The following HSDL1 variants were observed in gnomAD, a reference collection of about 807,000 sequenced individuals.
HSDL1 encodes the protein inactive hydroxysteroid dehydrogenase-like protein 1.
In HSDL1, 29 loss-of-function variants were observed where a neutral mutation model predicts 31.5. That is an observed-to-expected ratio of 0.92 (90% CI 0.69 to 1.26). The LOEUF (loss-of-function observed/expected upper bound fraction) is 1.26. HSDL1 is among the 50% of genes most tolerant of loss of function. The pLI is 0.00. For synonymous variants in HSDL1, 222 were observed against 155.2 expected, an observed-to-expected ratio of 1.43 and a Z score of -3.20; for missense variants, 503 against 416.6, an observed-to-expected ratio of 1.21 and a Z score of -1.81.
In HSDL1 at chr16:84,129,710, C is replaced by T. The variant is rs745492221; in HGVS notation, c.732G>A (p.Gln244=). The stretch of plus-strand genomic sequence containing the variant: ...TGGCTACATAGAAAGGGATTAGACT[C>T]TGTACAAAGATTCCTTTAGAGGCAT... ...YEYASKGIFV[Q]SLIPFYVATS... The change falls in exon 5 of 6, where the codon CAG becomes CAA. Residue 244 remains glutamine, a synonymous_variant. Coordinates refer to ENST00000219439, the MANE Select transcript of HSDL1 (RefSeq NM_031463.5). The T allele has an allele frequency of 1.7e-5, 27 of 1,614,042 alleles. No homozygotes were observed. Among genetic ancestry groups the T allele is most frequent in the Non-Finnish European group, 2.0e-5 (24 of 1,180,024 alleles).
At chr16:84,135,928 C>T (rs904101724) in intron 1 of HSDL1, among the ~76,000 whole-genome samples, 4 of 152,346 alleles carry the variant, frequency 2.6e-5, no homozygotes, top group African/African-American at 9.6e-5. Context: ...TCCCAGGAGC[C>T]CTTGGGGAAA....
intron 1 of HSDL1, among the ~76,000 whole-genome samples, chr16:84,140,853 C>G (rs1001860060): frequency 6.6e-6 from 1 of 152,206 alleles, no homozygotes. Flanking sequence ...CCTGTAATCC[C>G]AGCACTTTGG....
At chr16:84,128,711 C>CT (rs757856268) in intron 5 of HSDL1, among the ~76,000 whole-genome samples, 5,361 of 142,910 alleles carry the variant, frequency 0.038, 254 homozygotes, top group African/African-American at 0.12. Context: ...CAGCATATTT[C>CT]TTTTTTTTTT....
rs758669225 is a variant in HSDL1 at position 84,124,393 on chromosome 16, A to T, written c.*237T>A. 2 of 372,430 alleles carry T rather than the reference A, an allele frequency of 5.4e-6. No individual in the cohort carries two copies. Among genetic ancestry groups the T allele is most frequent in the Non-Finnish European group, 1.0e-5 (2 of 199,742 alleles). 23.1% of individuals were successfully genotyped at this position (372,430 alleles called of 1,614,324 possible). Reference sequence around the variant, plus strand: ...CTTTCAAACAGCTTAGGGAAAAAGCACTGAAATGTAGATGTCGTCAATCAG... The same window carrying T: ...CTTTCAAACAGCTTAGGGAAAAAGCTCTGAAATGTAGATGTCGTCAATCAG... On this transcript the variant is annotated 3_prime_UTR_variant, in exon 6 of 6. Coordinates refer to ENST00000219439, the MANE Select transcript of HSDL1 (RefSeq NM_031463.5).
chr16:84,145,122 G>T lies in HSDL1; in HGVS notation c.-111C>A, dbSNP rs544972747. ...CTTCCAAACCGGTCCCGCCAGACCC[G>T]CGCGGCCGCCGCCCCCGTCTCGGCC... On this transcript the variant is annotated 5_prime_UTR_variant, in exon 1 of 6. Transcript: ENST00000219439. 1.3e-4 allele frequency: 23 copies of T among 181,144 alleles called. No homozygotes were observed. Among genetic ancestry groups the T allele is most frequent in the Middle Eastern group, 2.2e-3 (1 of 452 alleles). 11.2% of individuals were successfully genotyped at this position (181,144 alleles called of 1,614,324 possible).
intron 1 of HSDL1, among the ~76,000 whole-genome samples, chr16:84,143,923 G>T (rs1159281068): frequency 6.6e-6 from 1 of 152,010 alleles, no homozygotes; most frequent in Non-Finnish European, 1.5e-5. Flanking sequence ...GAATCACTTG[G>T]GCCCGGGGTG....
Position 84,122,767 on chromosome 16 carries a change from C to T in HSDL1, c.*1863G>A, listed in dbSNP as rs1385291949. On this transcript the variant is annotated 3_prime_UTR_variant, in exon 6 of 6. Transcript: ENST00000219439. ...GCTAGAAAACCTAGAGAAGGTCTTG[C>T]TCTTCATCTTTCACTGCAGCTATGG... 1 of 152,190 alleles carries T rather than the reference C, an allele frequency of 6.6e-6. No homozygotes were observed. The highest frequency in any genetic ancestry group is 2.4e-5 in the African/African-American group (1 of 41,440). The allele number at this position is 152,190 out of a possible 1,614,324, so 9.4% of individuals were successfully genotyped here. A position where few individuals can be genotyped will look rare whatever the true frequency, so the allele number is the denominator to read the frequency against.
chr16:84,127,869 C>A (rs2086624599), intron 5 of HSDL1, among the ~76,000 whole-genome samples: 1 of 151,348 alleles, frequency 6.6e-6, no homozygotes, highest in Non-Finnish European at 1.5e-5. Context: ...CAGGCGCCCA[C>A]CACCACGCCT....
At chr16:84,138,451 G>A (rs2086733472) in intron 1 of HSDL1, among the ~76,000 whole-genome samples, 1 of 152,168 alleles carries the variant, frequency 6.6e-6, no homozygotes, top group Non-Finnish European at 1.5e-5. Context: ...TCTGCTTAGA[G>A]GGTAGATCTC....
chr16:84,131,483 G>GTCTGTCTATCTATCTA (rs1232519658), intron 2 of HSDL1, among the ~76,000 whole-genome samples, 156 bp from the exon 3 acceptor site: 166 of 144,238 alleles, frequency 1.2e-3, no homozygotes, highest in African/African-American at 4.3e-3. Flanking sequence ...CACAGTTTCA[G>GTCTGTCTATCTATCTA]TCTATCTATC....
In HSDL1 at chr16:84,129,659, A is replaced by T. The variant is rs2151186237; in HGVS notation, c.783T>A (p.Phe261Leu). 6.2e-7 allele frequency: 1 copy of T among 1,614,230 alleles called. No homozygotes were observed. The highest frequency in any genetic ancestry group is 1.3e-5 in the African/African-American group (1 of 75,050). The change falls in exon 5 of 6, where the codon TTT becomes TTA. Residue 261 changes from phenylalanine to leucine, a missense_variant. By Grantham distance (22) the Phe-to-Leu change is conservative. Transcript: ENST00000219439. The part of the protein sequence containing the change: ...VATSMTAPSN[F>L]LHRCSWLVPS... ...GCACCAACCACGAGCACCTGTGCAG[A>T]AAGTTGCTGGGTGCTGTCATGCTGG...
chr16:84,129,741 T>C lies in HSDL1; in HGVS notation c.701A>G (p.Tyr234Cys), dbSNP rs1400038901. 1.9e-5 allele frequency: 31 copies of C among 1,614,028 alleles called. No individual in the cohort carries two copies. The highest frequency in any genetic ancestry group is 2.5e-5 in the Non-Finnish European group (29 of 1,179,982). ...AAAGATTCCTTTAGAGGCATATTCA[T>C]ATTGCAAGGCTCTGCTGAAGTGGTC... ...YLDHFSRALQ[Y>C]EYASKGIFVQ... is the part of the protein sequence containing the mutation. Residue 234 changes from tyrosine to cysteine, a missense_variant, in exon 5 of 6, where the codon TAT becomes TGT. Physicochemically the swap from Tyr to Cys is radical, Grantham distance 194. Transcript: ENST00000219439.
At position 84,125,044 on chromosome 16, in the gene HSDL1, A is replaced by G. The variant is rs183740894; in HGVS notation, c.895-316T>C. 4.5e-4 allele frequency: 99 copies of G among 221,438 alleles called. 1 individual carries two copies. Among genetic ancestry groups the G allele is most frequent in the Non-Finnish European group, 7.0e-4 (76 of 109,086 alleles). 13.7% of individuals were successfully genotyped at this position (221,438 alleles called of 1,614,324 possible). ...CCAATCAAACAAATACCCACCAATC[A>G]CAACAAATACCCACCAAGCAATCAC... On this transcript the variant is annotated intron_variant, in intron 5 of 5. Transcript: ENST00000219439.
chr16:84,143,201 T>C (rs1219983689), intron 1 of HSDL1, among the ~76,000 whole-genome samples: 4 of 152,162 alleles, frequency 2.6e-5, no homozygotes, highest in Admixed American at 2.6e-4. Flanking sequence ...ACAAACAAAA[T>C]GTCCATCAAC....
At chr16:84,140,096 C>A (rs892499146) in intron 1 of HSDL1, among the ~76,000 whole-genome samples, 3 of 152,082 alleles carry the variant, frequency 2.0e-5, no homozygotes, top group African/African-American at 7.2e-5. Flanking sequence ...GCACTGCCCC[C>A]ACCTCTGAAT....
intron 5 of HSDL1, among the ~76,000 whole-genome samples, chr16:84,125,856 C>T (rs1457721293): frequency 2.0e-5 from 3 of 152,190 alleles, no homozygotes; most frequent in Admixed American, 2.0e-4. Flanking sequence ...GTAATCCCAA[C>T]ACTTTGGGAG....
At chr16:84,143,804 C>G (rs187554029) in intron 1 of HSDL1, among the ~76,000 whole-genome samples, 160 of 150,920 alleles carry the variant, frequency 1.1e-3, no homozygotes, top group African/African-American at 3.8e-3. Context: ...CAAGGCTACC[C>G]TGACCAACAC....
At position 84,130,378 on chromosome 16, in the gene HSDL1, G is replaced by C. The variant is rs776013600; in HGVS notation, c.274C>G (p.Leu92Val). 6.2e-6 allele frequency: 10 copies of C among 1,613,774 alleles called. No individual in the cohort carries two copies. Among genetic ancestry groups the C allele is most frequent in the Non-Finnish European group, 8.5e-6 (10 of 1,180,034 alleles). ...AYAEELASRG[L>V]NIILISRNEE... is the part of the protein sequence containing the mutation. ...TTCCGACTAATCAGGATTATATTGA[G>C]ACCTCGGCTTGCTAACTCTTCAGCG... Residue 92 changes from leucine (L) to valine (V), a missense_variant, in exon 4 of 6, where the codon CTC (leucine) becomes GTC (valine). Coordinates refer to ENST00000219439, the MANE Select transcript of HSDL1 (RefSeq NM_031463.5).
At chr16:84,126,050 C>G (rs1217712291) in intron 5 of HSDL1, among the ~76,000 whole-genome samples, 6 of 150,978 alleles carry the variant, frequency 4.0e-5, no homozygotes, top group Non-Finnish European at 8.8e-5. Flanking sequence ...TTGCAGTGAG[C>G]CGAGATCGCG....
Sources: gnomAD v4.1 joint callset for allele counts (sites outside exome capture counted in the v4.1 genomes callset) on GRCh38, gnomAD v4.1.1 for gene constraint, MANE v1.5 for transcripts, NCBI Gene and HGNC (gene_info 2026-07-23, HGNC 2026-07-21) for gene names.